The following HK1 variants were observed in gnomAD, a reference collection of about 807,000 sequenced individuals.
HK1 encodes hexokinase-1.
Under a neutral mutation model 91.6 loss-of-function variants are expected in HK1, and 28 were observed. The ratio of observed to expected loss-of-function variants is 0.31; its 90% confidence interval spans 0.23 to 0.42. HK1 has a LOEUF of 0.42. Among genes scored for constraint, HK1 ranks in the 10% least tolerant of loss-of-function variants. The probability of loss-of-function intolerance (pLI) is 1.00; values close to 1 mark genes in which losing one functional copy is unlikely to be tolerated. For missense variants in HK1, 770 were observed against 1,219.8 expected (o/e 0.63, Z 5.49); for synonymous variants, 430 against 468.1 (o/e 0.92, Z 1.05).
chr10:69,397,476 C>T lies in HK1; in HGVS notation c.2376-1119C>T, dbSNP rs537532419. The stretch of plus-strand genomic sequence containing the variant: ...AAAAGTAATCAAACTTAAAAGGCAA[C>T]GGTAAACTGAGGAAGACATTTGTAC... On this transcript the variant is annotated intron_variant, in intron 16 of 17. Transcript: ENST00000359426. Among the ~76,000 whole-genome samples the T allele has an allele frequency of 3.9e-5, 6 of 152,016 alleles. 1 individual carries two copies. The highest frequency in any genetic ancestry group is 6.5e-5 in the Admixed American group (1 of 15,270).
chr10:69,319,177 T>C, intron 1 of HK1, 167 bp downstream of exon 1: 3 of 815,190 alleles, frequency 3.7e-6, no homozygotes, highest in South Asian at 1.6e-5. Flanking sequence ...CTACCGGCAT[T>C]GTCAGTGTCT....
At chr10:69,358,851 G>A (rs947046739) in intron 2 of HK1, among the ~76,000 whole-genome samples, 6 of 140,358 alleles carry the variant, frequency 4.3e-5, no homozygotes, top group Non-Finnish European at 7.5e-5. Flanking sequence ...CAACAAGAGC[G>A]AAGCTCTGTC....
intron 16 of HK1, among the ~76,000 whole-genome samples, chr10:69,397,844 G>T (rs1185434571): frequency 1.3e-5 from 2 of 151,414 alleles, no homozygotes. Context: ...AAAACAAATG[G>T]AAAAAAAAGA....
chr10:69,373,149 G>T (rs897779385), intron 7 of HK1, among the ~76,000 whole-genome samples: 1 of 152,186 alleles, frequency 6.6e-6, no homozygotes, highest in East Asian at 1.9e-4. Context: ...GATTACAGAC[G>T]TGAGCCCCCG....
chr10:69,384,526 A>T (rs553108440), intron 11 of HK1, 45 bp downstream of exon 11: 5 of 1,612,502 alleles, frequency 3.1e-6, no homozygotes, highest in African/African-American at 1.3e-5. Flanking sequence ...ACACACGGCC[A>T]GTGGCACCGG....
intron 3 of HK1, among the ~76,000 whole-genome samples, chr10:69,289,541 G>A (rs955918320): frequency 3.7e-5 from 5 of 135,550 alleles, no homozygotes; most frequent in Non-Finnish European, 6.1e-5. Flanking sequence ...GCATGATCTC[G>A]GCTCACTGTA....
intron 2 of HK1, among the ~76,000 whole-genome samples, chr10:69,359,452 T>A (rs7079157): frequency 6.6e-6 from 1 of 152,018 alleles, no homozygotes; most frequent in Non-Finnish European, 1.5e-5. Flanking sequence ...CTGGAATAAT[T>A]GATGTCAGAG....
In HK1 at chr10:69,286,854, C is replaced by T. The variant is rs564733533; in HGVS notation, c.-214-1817C>T. On this transcript the variant is annotated intron_variant, in intron 2 of 21. Coordinates refer to the HK1 transcript ENST00000360289. ...TGGGCCACCTCATGAGGCGCCTGGC[C>T]TCATGCTTTGCTTTGAACTAGGGGA... Among the ~76,000 whole-genome samples, 263 of 152,254 alleles carry T rather than the reference C, an allele frequency of 1.7e-3. 2 individuals carry two copies. The highest frequency in any genetic ancestry group is 6.0e-3 in the African/African-American group (250 of 41,558).
rs16926269 is a variant in HK1 at position 69,374,472 on chromosome 10, G to A, written c.876-2462G>A. Among the ~76,000 whole-genome samples, 300 of 152,328 alleles carry A rather than the reference G, an allele frequency of 2.0e-3. 3 individuals carry two copies. In the East Asian group the frequency reaches 0.031, roughly 16 times the overall value. ...TTATCACAAGGAAAAGGGCCCGGGC[G>A]TTACCCGTTCAGTTATCACAGGTGG... On this transcript the variant is annotated intron_variant, in intron 7 of 17. Transcript: ENST00000359426.
At chr10:69,304,982 C>T (rs1454472038) in intron 5 of HK1, among the ~76,000 whole-genome samples, 1 of 152,184 alleles carries the variant, frequency 6.6e-6, no homozygotes, top group Non-Finnish European at 1.5e-5. Flanking sequence ...CTTGCCTCTT[C>T]CAGCTTCCAG....
intron 1 of HK1, among the ~76,000 whole-genome samples, chr10:69,275,964 C>T (rs1353058889): frequency 6.6e-6 from 1 of 150,652 alleles, no homozygotes; most frequent in East Asian, 1.9e-4. Flanking sequence ...GTGCCAGGTG[C>T]CTGCAATCCC....
chr10:69,389,563 A>C (rs3829185), intron 14 of HK1, among the ~76,000 whole-genome samples: 108,260 of 151,764 alleles, frequency 0.71, 38,980 homozygotes, highest in African/African-American at 0.79. Context: ...AGGAATGAGG[A>C]CCCAAAAGGC....
intron 1 of HK1, among the ~76,000 whole-genome samples, chr10:69,276,122 CAT>C (rs1491489087): frequency 0.22 from 10,544 of 48,958 alleles, 2,844 homozygotes; most frequent in Non-Finnish European, 0.29. Flanking sequence ...AAAAAAAATA[CAT>C]ATATATATAT....
chr10:69,338,394 A>C, intron 1 of HK1: 1 of 1,215,644 alleles, frequency 8.2e-7, no homozygotes, highest in Admixed American at 2.8e-5. Context: ...GCCTGACCAG[A>C]CTGACCAGAG....
At chr10:69,346,468 C>T (rs1329838761) in intron 2 of HK1, among the ~76,000 whole-genome samples, 1 of 152,092 alleles carries the variant, frequency 6.6e-6, no homozygotes, top group Non-Finnish European at 1.5e-5. Flanking sequence ...CATTCTGATA[C>T]CTATCAGCCC....
chr10:69,332,385 T>TTTCTTTCTTTC (rs1589497802), intron 1 of HK1, among the ~76,000 whole-genome samples: 4 of 133,358 alleles, frequency 3.0e-5, no homozygotes, highest in East Asian at 2.1e-4. Flanking sequence ...TTCTTTCTTT[T>TTTCTTTCTTTC]TTTCTTTTTT....
intron 7 of HK1, among the ~76,000 whole-genome samples, chr10:69,372,076 G>A (rs1242035849): frequency 3.9e-5 from 6 of 152,180 alleles, no homozygotes; most frequent in African/African-American, 9.7e-5. Context: ...GTCTTACATG[G>A]ATGGCAGCAG....
In HK1 at chr10:69,376,890, G is replaced by A. The variant is rs1193633148; in HGVS notation, c.876-44G>A. ...GTCTGTCCCAGCCCTCGTGTGTGGG[G>A]CGCAGAGGAAGGCTGACAAGTGCCG... On this transcript the variant is annotated intron_variant, in intron 7 of 17. Coordinates refer to ENST00000359426, the MANE Select transcript of HK1 (RefSeq NM_000188.3). The A allele has an allele frequency of 2.5e-6, 4 of 1,610,904 alleles. No homozygotes were observed. The Admixed American group carries it at 5.0e-5, about 20-fold the overall frequency.
chr10:69,336,666 T>C (rs1589504130), intron 1 of HK1, among the ~76,000 whole-genome samples: 2 of 137,766 alleles, frequency 1.5e-5, no homozygotes, highest in Non-Finnish European at 3.1e-5. Flanking sequence ...TTGAGATGGA[T>C]TCTCGCCTTG....
Sources: gnomAD v4.1 joint callset for allele counts (sites outside exome capture counted in the v4.1 genomes callset) on GRCh38, gnomAD v4.1.1 for gene constraint, MANE v1.5 for transcripts, NCBI Gene and HGNC (gene_info 2026-07-23, HGNC 2026-07-21) for gene names.